The following UNC13C variants were observed in gnomAD, a reference collection of about 807,000 sequenced individuals.
UNC13C encodes the protein protein unc-13 homolog C.
In UNC13C, 174 loss-of-function variants were observed where a neutral mutation model predicts 245.4. The ratio of observed to expected loss-of-function variants is 0.71; its 90% CI spans 0.63 to 0.80. The LOEUF (loss-of-function observed/expected upper bound fraction) is 0.80, where lower values mean the gene tolerates loss of function less well. Ranked by LOEUF, UNC13C falls within the 30% of genes least tolerant of loss-of-function variation. UNC13C has a pLI of 0.00. For synonymous variants in UNC13C, 992 were observed against 895.1 expected, an observed-to-expected ratio of 1.11 and a Z score of -1.93; for missense variants, 2,829 against 2,602.9, an observed-to-expected ratio of 1.09 and a Z score of -1.89.
the UNC13C span, among the ~76,000 whole-genome samples, chr15:53,937,825 G>A: frequency 1.3e-5 from 2 of 152,122 alleles, no homozygotes; most frequent in Non-Finnish European, 2.9e-5. Flanking sequence ...TTTCAGATAA[G>A]CAAATGCTGA....
At chr15:54,472,680 GT>G (rs1245867469) in intron 19 of UNC13C, among the ~76,000 whole-genome samples, 3 of 151,756 alleles carry the variant, frequency 2.0e-5, no homozygotes, top group East Asian at 1.9e-4. Flanking sequence ...TTGGTTGACA[GT>G]TTTTTTCTCT....
chr15:54,156,323 C>T (rs1041944256), intron 4 of UNC13C, among the ~76,000 whole-genome samples: 7 of 152,118 alleles, frequency 4.6e-5, no homozygotes, highest in African/African-American at 1.7e-4. Context: ...TATCTTGAGG[C>T]TTAGACTCTA....
At chr15:54,224,083 C>G (rs992291380) in intron 4 of UNC13C, among the ~76,000 whole-genome samples, 1 of 151,948 alleles carries the variant, frequency 6.6e-6, no homozygotes, top group East Asian at 1.9e-4. Flanking sequence ...CATGTGCAAA[C>G]GAAGATAATT....
chr15:54,322,151 CA>C, intron 14 of UNC13C, 56 bp downstream of exon 14: 2 of 1,449,664 alleles, frequency 1.4e-6, no homozygotes, highest in Non-Finnish European at 1.8e-6. Flanking sequence ...AGTTACATTT[CA>C]AGAGACTTTG....
At chr15:53,877,297 C>G in the UNC13C span, among the ~76,000 whole-genome samples, 1 of 152,282 alleles carries the variant, frequency 6.6e-6, no homozygotes, top group East Asian at 1.9e-4. Context: ...TTGCCTTGCC[C>G]TCTCCAATGC....
chr15:54,188,522 G>A (rs1433075148), intron 4 of UNC13C, among the ~76,000 whole-genome samples: 4 of 152,130 alleles, frequency 2.6e-5, no homozygotes, highest in Non-Finnish European at 5.9e-5. Context: ...GAAGTGGGAC[G>A]CTGCTAAACA....
the UNC13C span, among the ~76,000 whole-genome samples, chr15:53,900,665 A>G: frequency 2.0e-5 from 3 of 150,476 alleles, no homozygotes; most frequent in African/African-American, 7.3e-5. Context: ...TCAAACTTCT[A>G]TTTTTTTTTC....
chr15:54,158,769 C>T (rs2032856716), intron 4 of UNC13C, among the ~76,000 whole-genome samples: 1 of 151,916 alleles, frequency 6.6e-6, no homozygotes, highest in Non-Finnish European at 1.5e-5. Flanking sequence ...CCTACCTCAG[C>T]CTCCCAAATA....
Position 54,477,520 on chromosome 15 carries a change from C to T in UNC13C, c.4934-17088C>T, listed in dbSNP as rs796248589. Among the ~76,000 whole-genome samples the T allele has an allele frequency of 5.7e-5, 6 of 104,650 alleles. 1 individual carries two copies. The highest frequency in any genetic ancestry group is 8.4e-5 in the Non-Finnish European group (4 of 47,788). The allele number at this position is 104,650 out of a possible 152,430, so 68.7% of individuals were successfully genotyped here. On this transcript the variant is annotated intron_variant, in intron 19 of 32. Transcript: ENST00000260323. ...TTTATTGAGAGTTTTTAGCATGAAG[C>T]GTTGTTGAATTTTTTCAAAGGCCTT...
chr15:54,320,337 A>G (rs1171105749), intron 13 of UNC13C, among the ~76,000 whole-genome samples: 4 of 152,028 alleles, frequency 2.6e-5, no homozygotes, highest in Non-Finnish European at 5.9e-5. Context: ...CTTTTGGTGC[A>G]TACATGCAAC....
At chr15:54,004,010 GAAAC>G (rs767279443) in intron 1 of UNC13C, among the ~76,000 whole-genome samples, 39 of 152,122 alleles carry the variant, frequency 2.6e-4, no homozygotes, top group African/African-American at 6.0e-4. Flanking sequence ...GACTCCATCT[GAAAC>G]AAACAAACAA....
chr15:54,440,779 C>T (rs1012050023), intron 19 of UNC13C, among the ~76,000 whole-genome samples: 7 of 152,096 alleles, frequency 4.6e-5, no homozygotes, highest in African/African-American at 1.4e-4. Context: ...CCACCAACAA[C>T]GTATAAGTGT....
chr15:54,313,426 T>C (rs1380302743), intron 13 of UNC13C, among the ~76,000 whole-genome samples: 1 of 151,850 alleles, frequency 6.6e-6, no homozygotes, highest in Non-Finnish European at 1.5e-5. Flanking sequence ...AACACTGTGC[T>C]AAATATGGGC....
chr15:54,201,505 T>G (rs1476038916), intron 4 of UNC13C, among the ~76,000 whole-genome samples: 1 of 151,830 alleles, frequency 6.6e-6, no homozygotes, highest in African/African-American at 2.4e-5. Flanking sequence ...CAGGGATGGT[T>G]TAACATACTT....
At chr15:53,871,090 T>C in the UNC13C span, among the ~76,000 whole-genome samples, 4 of 152,310 alleles carry the variant, frequency 2.6e-5, no homozygotes, top group East Asian at 1.9e-4. Context: ...CTCCCCCAAA[T>C]AAATTTGATT....
intron 4 of UNC13C, among the ~76,000 whole-genome samples, chr15:54,167,219 G>C (rs896959709): frequency 2.6e-5 from 4 of 151,988 alleles, no homozygotes; most frequent in African/African-American, 9.7e-5. Flanking sequence ...GAAAAGAGAC[G>C]GGGCCGGGTG....
chr15:54,322,213 A>C, intron 14 of UNC13C, 118 bp downstream of exon 14: 1 of 947,800 alleles, frequency 1.1e-6, no homozygotes, highest in Non-Finnish European at 1.5e-6. Context: ...TTTAGGGAAT[A>C]GCGTAATGGG....
At chr15:54,133,489 TTA>T (rs1222567734) in intron 2 of UNC13C, among the ~76,000 whole-genome samples, 1 of 152,218 alleles carries the variant, frequency 6.6e-6, no homozygotes, top group African/African-American at 2.4e-5. Context: ...CACTACAAAC[TTA>T]CTTTAATCCC....
intron 30 of UNC13C, among the ~76,000 whole-genome samples, chr15:54,581,779 G>A (rs1230274250): frequency 6.6e-6 from 1 of 152,176 alleles, no homozygotes; most frequent in East Asian, 1.9e-4. Context: ...AGAAACTCTA[G>A]GAGTCGGGCT....
Sources: allele counts gnomAD v4.1 joint callset (sites outside exome capture counted in the v4.1 genomes callset), GRCh38; gene constraint gnomAD v4.1.1; transcripts MANE v1.5; gene names NCBI Gene and HGNC (gene_info 2026-07-23, HGNC 2026-07-21).